The following FRMPD4 variants were observed in gnomAD, a reference collection of about 807,000 sequenced individuals.
FRMPD4 encodes FERM and PDZ domain-containing protein 4.
FRMPD4 carries 22 observed loss-of-function variants against 94.1 expected under a neutral mutation model. The ratio of observed to expected loss-of-function variants is 0.23; its 90% CI spans 0.17 to 0.33. FRMPD4 has a LOEUF of 0.33. Among genes scored for constraint, FRMPD4 ranks in the 10% least tolerant of loss-of-function variants. FRMPD4 has a pLI of 1.00. For synonymous variants in FRMPD4, 631 were observed against 548.6 expected (o/e 1.15, Z -2.10); for missense variants, 1,111 against 1,339.9 (o/e 0.83, Z 2.67).
intron 3 of FRMPD4, among the ~76,000 whole-genome samples, chrX:12,039,924 A>G (rs2054742606): frequency 9.6e-6 from 1 of 103,839 alleles, no homozygotes; most frequent in Non-Finnish European, 2.0e-5. Context: ...AGCTGATATC[A>G]CACCATTGCA....
chrX:12,497,187 T>C (rs1264769460), intron 1 of FRMPD4, among the ~76,000 whole-genome samples: 1 of 111,667 alleles, frequency 9.0e-6, no homozygotes, highest in Non-Finnish European at 1.9e-5. Flanking sequence ...CCAGAATAAA[T>C]TGTTGCATTC....
intron 9 of FRMPD4, among the ~76,000 whole-genome samples, chrX:12,698,864 G>A (rs1026446123): frequency 7.2e-5 from 8 of 111,109 alleles, no homozygotes; most frequent in African/African-American, 2.3e-4. Flanking sequence ...GCAACCTTGC[G>A]AGTTCATTGC....
chrX:12,388,497 C>T (rs1002008712), intron 1 of FRMPD4, among the ~76,000 whole-genome samples: 7 of 108,000 alleles, frequency 6.5e-5, no homozygotes, highest in South Asian at 8.2e-4. Context: ...CCCAGCTACT[C>T]GGGGAGCTGA....
intron 3 of FRMPD4, among the ~76,000 whole-genome samples, chrX:11,969,973 C>T (rs2054331764): frequency 9.0e-6 from 1 of 111,119 alleles, no homozygotes; most frequent in Non-Finnish European, 1.9e-5. Flanking sequence ...GTAGATTCCT[C>T]TCCTAGCCTC....
chrX:12,480,333 G>GAAAAAAAAA (rs35074731), intron 1 of FRMPD4, among the ~76,000 whole-genome samples: 11 of 54,643 alleles, frequency 2.0e-4, no homozygotes, highest in East Asian at 6.7e-4. Context: ...GAAAAGAAAT[G>GAAAAAAAAA]AAAAAAAAAA....
intron 3 of FRMPD4, among the ~76,000 whole-genome samples, chrX:11,974,041 G>A (rs2147383092): frequency 9.0e-6 from 1 of 111,637 alleles, no homozygotes; most frequent in East Asian, 2.8e-4. Context: ...GGTTTCGAGT[G>A]GAACTCTGCT....
At position 12,717,941 on chromosome X, in the gene FRMPD4, C is replaced by G. The variant is rs369963195; in HGVS notation, c.3115C>G (p.Pro1039Ala). Reference sequence around the variant, plus strand: ...GCTGGCCGATGGTGAGGGGAAGGCACCCCCTAATGGGAACACAACAGGAAA... The same window carrying G: ...GCTGGCCGATGGTGAGGGGAAGGCAGCCCCTAATGGGAACACAACAGGAAA... ...SKLADGEGKA[P>A]PNGNTTGKKQ... The change falls in exon 16 of 17, where the codon CCC becomes GCC. Residue 1039 changes from proline to alanine, a missense_variant. Coordinates refer to ENST00000675598, the MANE Select transcript of FRMPD4 (RefSeq NM_001368397.1). 2.5e-6 allele frequency: 3 copies of G among 1,210,502 alleles called. No individual in the cohort carries two copies. In the East Asian group the frequency reaches 8.9e-5, roughly 36 times the overall value.
At chrX:12,714,302 G>A (rs926996648) in intron 14 of FRMPD4, among the ~76,000 whole-genome samples, 4 of 111,080 alleles carry the variant, frequency 3.6e-5, no homozygotes, top group African/African-American at 6.6e-5. Context: ...TCTCGTTACC[G>A]CCTCCTGCTT....
intron 3 of FRMPD4, among the ~76,000 whole-genome samples, chrX:12,117,934 T>C (rs2055422728): frequency 9.0e-6 from 1 of 111,384 alleles, no homozygotes; most frequent in Non-Finnish European, 1.9e-5. Flanking sequence ...TTAAACAGTA[T>C]CTGTTGCTCC....
chrX:12,588,367 A>T (rs1017093867), intron 2 of FRMPD4, among the ~76,000 whole-genome samples: 3 of 112,366 alleles, frequency 2.7e-5, no homozygotes, highest in African/African-American at 9.7e-5. Context: ...TTTGGGTATA[A>T]GGTAAGAATC....
At chrX:12,074,247 C>A (rs1246870473) in intron 3 of FRMPD4, among the ~76,000 whole-genome samples, 2 of 111,759 alleles carry the variant, frequency 1.8e-5, no homozygotes, top group Non-Finnish European at 3.8e-5. Flanking sequence ...TAAAAGATCA[C>A]CACTACTGCT....
At chrX:12,577,568 G>A (rs1290712006) in intron 2 of FRMPD4, among the ~76,000 whole-genome samples, 6 of 110,752 alleles carry the variant, frequency 5.4e-5, no homozygotes, top group Non-Finnish European at 7.6e-5. Flanking sequence ...AGGAAGAGTG[G>A]GTTATTAGTC....
intron 4 of FRMPD4, among the ~76,000 whole-genome samples, chrX:12,624,978 C>G (rs1338002551): frequency 1.8e-5 from 2 of 111,397 alleles, no homozygotes; most frequent in African/African-American, 6.5e-5. Flanking sequence ...GGCAAAAGAT[C>G]TGAATAGACA....
Position 12,718,389 on chromosome X carries a change from C to T in FRMPD4, c.3563C>T (p.Ala1188Val), listed in dbSNP as rs1377529432. The change falls in exon 16 of 17, where the codon GCC becomes GTC. Residue 1188 changes from alanine to valine, a missense_variant. By Grantham distance (64) the Ala-to-Val change is moderately conservative (BLOSUM62 0). Coordinates refer to ENST00000675598, the MANE Select transcript of FRMPD4 (RefSeq NM_001368397.1). ...SKLPEADESV[A>V]RLCDYHLAKR... ...CTTCCTGAGGCTGATGAGAGTGTGG[C>T]CCGCCTTTGTGACTACCACTTGGCC... is the stretch of plus-strand genomic sequence containing the variant. The T allele has an allele frequency of 1.7e-6, 2 of 1,211,862 alleles. No individual in the cohort carries two copies. The highest frequency in any genetic ancestry group is 1.1e-6 in the Non-Finnish European group (1 of 895,372).
At chrX:12,499,996 G>T (rs1323981589) in intron 2 of FRMPD4, among the ~76,000 whole-genome samples, 4 of 111,648 alleles carry the variant, frequency 3.6e-5, no homozygotes, top group African/African-American at 9.8e-5. Flanking sequence ...CTGCAGAGTG[G>T]TTTTTTTGTT....
intron 1 of FRMPD4, among the ~76,000 whole-genome samples, chrX:12,332,171 CATAT>C (rs1204125733): frequency 1.8e-5 from 1 of 54,668 alleles, no homozygotes; most frequent in Non-Finnish European, 3.5e-5. Flanking sequence ...TTATATTTTA[CATAT>C]ATATAATTTA....
chrX:12,199,667 AC>A (rs2056609746), intron 1 of FRMPD4, among the ~76,000 whole-genome samples: 1 of 111,826 alleles, frequency 8.9e-6, no homozygotes, highest in Non-Finnish European at 1.9e-5. Context: ...ATATGTAATC[AC>A]CCAATGGCTT....
At chrX:12,465,175 A>C (rs1194918307) in intron 1 of FRMPD4, among the ~76,000 whole-genome samples, 2 of 111,699 alleles carry the variant, frequency 1.8e-5, no homozygotes, top group African/African-American at 6.5e-5. Context: ...AGTTAGAACA[A>C]CACTGTCCTG....
intron 1 of FRMPD4, among the ~76,000 whole-genome samples, chrX:12,210,602 G>A (rs1320880515): frequency 9.0e-6 from 1 of 111,116 alleles, no homozygotes; most frequent in African/African-American, 3.3e-5. Flanking sequence ...AACACAAAGG[G>A]GGAGTAGCTT....
Sources: gnomAD v4.1 joint callset for allele counts (sites outside exome capture counted in the v4.1 genomes callset) on GRCh38, gnomAD v4.1.1 for gene constraint, MANE v1.5 for transcripts, NCBI Gene and HGNC (gene_info 2026-07-23, HGNC 2026-07-21) for gene names.